LMO7: variants seen among roughly 807,000 people sequenced by gnomAD.
LMO7 encodes LIM domain 7, also known as LIM domain only protein 7.
Under a neutral mutation model 206.5 loss-of-function variants are expected in LMO7, and 120 were observed. That is an observed-to-expected ratio of 0.58 (90% confidence interval 0.50 to 0.68). The LOEUF (loss-of-function observed/expected upper bound fraction) is 0.68, where lower values mean the gene tolerates loss of function less well. LMO7 is among the 30% of genes least tolerant of loss of function. LMO7 has a pLI of 0.00. For missense variants in LMO7, 1,959 were observed against 1,957.9 expected, an observed-to-expected ratio of 1.00 and a Z score of -0.01; for synonymous variants, 706 against 681.5, an observed-to-expected ratio of 1.04 and a Z score of -0.56.
At position 75,796,764 on chromosome 13, in the gene LMO7, T is replaced by C. The variant is rs1421055338; in HGVS notation, c.462+15T>C. On this transcript the variant is annotated intron_variant, in intron 6 of 30. Coordinates refer to ENST00000377534, the MANE Select transcript of LMO7 (RefSeq NM_001306080.2). ...CACTGACGAAGGTAAGTAAACTACATCTGTGTGAGATTACTGCTGTAATAC... is the reference window on the plus strand; with the variant it reads ...CACTGACGAAGGTAAGTAAACTACACCTGTGTGAGATTACTGCTGTAATAC... 3 of 1,415,562 alleles carry C rather than the reference T, an allele frequency of 2.1e-6. No homozygotes were observed. Among genetic ancestry groups the C allele is most frequent in the South Asian group, 2.3e-5 (2 of 86,940 alleles). The allele number at this position is 1,415,562 out of a possible 1,614,324, so 87.7% of individuals were successfully genotyped here.
intron 1 of LMO7, among the ~76,000 whole-genome samples, chr13:75,704,748 C>G (rs1289051222): frequency 1.3e-5 from 2 of 152,090 alleles, no homozygotes; most frequent in Non-Finnish European, 2.9e-5. Context: ...GTGGATTATG[C>G]GATCAGAACT....
chr13:75,711,874 C>G (rs1461953278), intron 1 of LMO7, among the ~76,000 whole-genome samples: 1 of 152,216 alleles, frequency 6.6e-6, no homozygotes, highest in Non-Finnish European at 1.5e-5. Flanking sequence ...GTAACAGACA[C>G]TCAGCCTTTG....
At chr13:75,754,083 C>T (rs1333986802) in intron 3 of LMO7, among the ~76,000 whole-genome samples, 1 of 152,134 alleles carries the variant, frequency 6.6e-6, no homozygotes, top group African/African-American at 2.4e-5. Flanking sequence ...TTTTAAAGTA[C>T]ACAATTTAGT....
At chr13:75,640,451 TA>T (rs1182742700) in intron 1 of LMO7, among the ~76,000 whole-genome samples, 1 of 152,216 alleles carries the variant, frequency 6.6e-6, no homozygotes, top group Non-Finnish European at 1.5e-5. Flanking sequence ...TTATTCCTTG[TA>T]ACCTAGTGAA....
chr13:75,801,045 C>A (rs1378004958), intron 7 of LMO7, among the ~76,000 whole-genome samples, 163 bp downstream of exon 7: 1 of 151,760 alleles, frequency 6.6e-6, no homozygotes, highest in South Asian at 2.1e-4. Context: ...TTTTTTTCTC[C>A]TTCATGATGG....
intron 2 of LMO7, among the ~76,000 whole-genome samples, chr13:75,625,082 T>C (rs2033851120): frequency 6.6e-6 from 1 of 152,158 alleles, no homozygotes; most frequent in African/African-American, 2.4e-5. Context: ...CTTTTGGTCT[T>C]CTCTGAGTAC....
chr13:75,779,806 TG>T (rs1389858188), intron 4 of LMO7, among the ~76,000 whole-genome samples: 1 of 152,204 alleles, frequency 6.6e-6, no homozygotes, highest in African/African-American at 2.4e-5. Context: ...TTATGATTTA[TG>T]TTTTTATTGG....
intron 6 of LMO7, among the ~76,000 whole-genome samples, chr13:75,798,217 A>G (rs1340421435): frequency 1.3e-5 from 2 of 152,144 alleles, no homozygotes; most frequent in African/African-American, 2.4e-5. Flanking sequence ...CTAAAAATAC[A>G]AAATTAGCTG....
intron 1 of LMO7, among the ~76,000 whole-genome samples, chr13:75,658,541 T>A (rs2038265112): frequency 6.6e-6 from 1 of 152,102 alleles, no homozygotes; most frequent in South Asian, 2.1e-4. Context: ...AACTTCATAG[T>A]TTTTGCTACA....
chr13:75,852,424 C>G (rs1421390379), intron 27 of LMO7, among the ~76,000 whole-genome samples: 5 of 152,064 alleles, frequency 3.3e-5, no homozygotes, highest in Admixed American at 3.3e-4. Flanking sequence ...ATCTGTACAC[C>G]AAACCACCAT....
At chr13:75,695,536 G>A (rs1171820772) in intron 1 of LMO7, among the ~76,000 whole-genome samples, 3 of 152,138 alleles carry the variant, frequency 2.0e-5, no homozygotes, top group Non-Finnish European at 2.9e-5. Flanking sequence ...TAATAGAGAC[G>A]GGGTTTCACC....
chr13:75,686,579 G>A (rs1339927362), intron 1 of LMO7, among the ~76,000 whole-genome samples: 2 of 148,220 alleles, frequency 1.3e-5, no homozygotes, highest in Admixed American at 1.4e-4. Context: ...TATTGGAGTT[G>A]GCTTTATGGG....
intron 13 of LMO7, 147 bp downstream of exon 13, chr13:75,819,682 C>A (rs1222727414): frequency 2.5e-6 from 2 of 805,460 alleles, no homozygotes; most frequent in Admixed American, 3.7e-5. Flanking sequence ...AGATTTTGGT[C>A]TGCGGTGAAA....
At chr13:75,848,232 T>C (rs1011786661) in intron 26 of LMO7, among the ~76,000 whole-genome samples, 1 of 152,162 alleles carries the variant, frequency 6.6e-6, no homozygotes, top group African/African-American at 2.4e-5. Flanking sequence ...CCTTTCCTGC[T>C]GAGTCCACAA....
intron 25 of LMO7, among the ~76,000 whole-genome samples, chr13:75,844,308 C>T (rs571738870): frequency 6.6e-6 from 1 of 151,416 alleles, no homozygotes; most frequent in South Asian, 2.1e-4. Context: ...ATTGGATTTA[C>T]ACATATGTAA....
At chr13:75,706,219 C>A (rs1002488231) in intron 1 of LMO7, among the ~76,000 whole-genome samples, 3 of 152,170 alleles carry the variant, frequency 2.0e-5, no homozygotes, top group African/African-American at 4.8e-5. Context: ...AATTCCAGTG[C>A]CCCTACTTGG....
intron 4 of LMO7, among the ~76,000 whole-genome samples, chr13:75,768,953 T>C (rs1396329894): frequency 2.6e-5 from 4 of 152,092 alleles, no homozygotes; most frequent in East Asian, 3.8e-4. Flanking sequence ...ATTTGTTTTT[T>C]TACCTTAGGC....
At chr13:75,680,359 A>G (rs1205457423) in intron 1 of LMO7, among the ~76,000 whole-genome samples, 1 of 152,200 alleles carries the variant, frequency 6.6e-6, no homozygotes, top group African/African-American at 2.4e-5. Context: ...CAGTGAACAT[A>G]TGTGTGCATG....
At chr13:75,838,316 G>A (rs768623100) in intron 20 of LMO7, 120 bp downstream of exon 20, 1 of 1,540,926 alleles carries the variant, frequency 6.5e-7, no homozygotes, top group South Asian at 1.2e-5. Context: ...TTATGACCAA[G>A]CGACATAACC....
Sources: gnomAD v4.1 joint callset for allele counts (sites outside exome capture counted in the v4.1 genomes callset) on GRCh38, gnomAD v4.1.1 for gene constraint, MANE v1.5 for transcripts, NCBI Gene and HGNC (gene_info 2026-07-23, HGNC 2026-07-21) for gene names.